Variants in PIRT observed in about 807,000 individuals in gnomAD.
PIRT encodes the protein phosphoinositide-interacting protein.
In PIRT, 6 loss-of-function variants were observed where a neutral mutation model predicts 7.9. That is an observed-to-expected ratio of 0.76 (90% CI 0.42 to 1.51). The LOEUF (loss-of-function observed/expected upper bound fraction) is 1.51, where lower values mean the gene tolerates loss of function less well. Among genes scored for constraint, PIRT ranks in the 40% most tolerant of loss-of-function variants. The pLI is 0.01. For synonymous variants in PIRT, 78 were observed against 71.8 expected, an observed-to-expected ratio of 1.09 and a Z score of -0.44; for missense variants, 170 against 172.9, an observed-to-expected ratio of 0.98 and a Z score of 0.09.
chr17:10,827,043 C>T (rs1028271157), intron 1 of PIRT, among the ~76,000 whole-genome samples: 1 of 152,106 alleles, frequency 6.6e-6, no homozygotes, highest in Admixed American at 6.6e-5. Context: ...AACTCCTGAC[C>T]TCAGGTGATC....
chr17:10,834,139 T>C (rs985914630), intron 1 of PIRT, among the ~76,000 whole-genome samples: 3 of 151,232 alleles, frequency 2.0e-5, no homozygotes, highest in Non-Finnish European at 3.0e-5. Context: ...AAGACTTCTT[T>C]AAGAATAGTC....
intron 1 of PIRT, among the ~76,000 whole-genome samples, chr17:10,827,698 C>T (rs1415632402): frequency 6.6e-6 from 1 of 151,928 alleles, no homozygotes; most frequent in Non-Finnish European, 1.5e-5. Context: ...TGGTCTTGAA[C>T]TCCTGACCTC....
At position 10,825,514 on chromosome 17, in the gene PIRT, G is replaced by T. The variant is rs752717861; in HGVS notation, c.132C>A (p.Thr44=). The change falls in exon 2 of 2, where the codon ACC becomes ACA. Residue 44 remains threonine, a synonymous_variant. Coordinates refer to ENST00000580256, the MANE Select transcript of PIRT (RefSeq NM_001101387.2). The part of the protein sequence containing the change: ...SSRSESVWTT[T]PRSNWEIYRK... ...GGTAGATTTCCCAGTTACTCCTGGG[G>T]GTGGTGGTCCAGACAGACTCGCTCC... 1.2e-6 allele frequency: 2 copies of T among 1,613,474 alleles called. No individual in the cohort carries two copies. The highest frequency in any genetic ancestry group is 1.3e-5 in the African/African-American group (1 of 74,904).
rs1905245383 is a variant in PIRT, at chr17:10,823,345, C to T, written c.*1887G>A. ...AAGGCTATGGCCATCCTGGGTGAGC[C>T]TCAACGGCCATGAGTTCCCCAAACT... On this transcript the variant is annotated 3_prime_UTR_variant, in exon 2 of 2. Transcript: ENST00000580256. 1 of 152,280 alleles carries T rather than the reference C, an allele frequency of 6.6e-6. No individual in the cohort carries two copies. Among genetic ancestry groups the T allele is most frequent in the Admixed American group, 6.5e-5 (1 of 15,286 alleles). The allele number at this position is 152,280 out of a possible 1,614,324, so 9.4% of individuals were successfully genotyped here.
At chr17:10,828,734 G>C (rs190175698) in intron 1 of PIRT, among the ~76,000 whole-genome samples, 1 of 152,190 alleles carries the variant, frequency 6.6e-6, no homozygotes, top group Non-Finnish European at 1.5e-5. Flanking sequence ...CCTCCAACCT[G>C]TTCATTCCAA....
intron 1 of PIRT, among the ~76,000 whole-genome samples, chr17:10,829,906 T>C (rs1905420352): frequency 6.6e-6 from 1 of 152,186 alleles, no homozygotes; most frequent in Non-Finnish European, 1.5e-5. Context: ...TGGAAGAGGA[T>C]CATTGGTTTT....
intron 1 of PIRT, 40 bp from the exon 2 acceptor site, chr17:10,825,823 TAAG>T (rs1331616962): frequency 4.4e-5 from 23 of 526,828 alleles, no homozygotes. Context: ...TTCACATAAA[TAAG>T]AAACCACCCA....
At chr17:10,827,286 G>T (rs1218202783) in intron 1 of PIRT, among the ~76,000 whole-genome samples, 1 of 152,022 alleles carries the variant, frequency 6.6e-6, no homozygotes, top group Non-Finnish European at 1.5e-5. Context: ...CAGCCACTGG[G>T]GCTCCCTCAT....
In PIRT at chr17:10,825,222, G is replaced by T; in HGVS notation, c.*10C>A. Reference sequence around the variant, plus strand: ...CCAGTCAAGGTGGCAGGGAGATGCGGAAACCACCATCAGCGAGTCAGGAAG... The same window carrying T: ...CCAGTCAAGGTGGCAGGGAGATGCGTAAACCACCATCAGCGAGTCAGGAAG... On this transcript the variant is annotated 3_prime_UTR_variant, in exon 2 of 2. Transcript: ENST00000580256. The T allele has an allele frequency of 6.2e-7, 1 of 1,612,034 alleles. No homozygotes were observed. The highest frequency in any genetic ancestry group is 8.5e-7 in the Non-Finnish European group (1 of 1,178,424).
rs546105685 is a variant in PIRT at position 10,827,465 on chromosome 17, C to CTTTTTTTTTTTTTTTTTTTTT, written c.-138-1703_-138-1683dup. Among the ~76,000 whole-genome samples the CTTTTTTTTTTTTTTTTTTTTT allele has an allele frequency of 2.5e-3, 139 of 56,298 alleles. 9 individuals carry two copies. Among genetic ancestry groups the CTTTTTTTTTTTTTTTTTTTTT allele is most frequent in the African/African-American group, 4.2e-3 (56 of 13,334 alleles). 36.9% of individuals were successfully genotyped at this position (56,298 alleles called of 152,430 possible). On this transcript the variant is annotated intron_variant, in intron 1 of 1. Coordinates refer to ENST00000580256, the MANE Select transcript of PIRT (RefSeq NM_001101387.2). ...TCTTTCTTTTCTTTCTTTTTCTTTT[C>CTTTTTTTTTTTTTTTTTTTTT]TTTTTTTTTTTTTTTTTTTTTTTTT...
At chr17:10,826,810 G>A (rs1360072629) in intron 1 of PIRT, among the ~76,000 whole-genome samples, 1 of 152,094 alleles carries the variant, frequency 6.6e-6, no homozygotes, top group African/African-American at 2.4e-5. Context: ...GGTTCACAGT[G>A]CAACCTTCTT....
chr17:10,827,483 T>TTTTTTTTTTTTTTTTTTC (rs1905359485), intron 1 of PIRT, among the ~76,000 whole-genome samples: 1 of 134,594 alleles, frequency 7.4e-6, no homozygotes, highest in African/African-American at 3.0e-5. Context: ...TTTTTTTTTT[T>TTTTTTTTTTTTTTTTTTC]TTTTTTTTGA....
chr17:10,836,048 G>A (rs548626740), intron 1 of PIRT, among the ~76,000 whole-genome samples: 41 of 152,150 alleles, frequency 2.7e-4, no homozygotes, highest in African/African-American at 9.6e-4. Flanking sequence ...GATTACAGGT[G>A]CATGCCACCA....
chr17:10,835,243 C>A (rs982216069), intron 1 of PIRT, among the ~76,000 whole-genome samples: 18 of 152,288 alleles, frequency 1.2e-4, no homozygotes, highest in African/African-American at 4.3e-4. Flanking sequence ...AGGGCAGGTG[C>A]TTTTTATACA....
intron 1 of PIRT, among the ~76,000 whole-genome samples, chr17:10,833,517 G>T (rs1230058363): frequency 8.5e-5 from 13 of 152,122 alleles, no homozygotes; most frequent in Admixed American, 8.5e-4. Context: ...ACTTTGAAAG[G>T]CCGAGGCAGC....
rs1294987467 is a variant in PIRT, at chr17:10,825,580, C to T, written c.66G>A (p.Leu22=). ...VDEKSPEAKD[L]LPSQTASSLC... ...GGGAGCTGGCGGTCTGGCTGGGCAG[C>T]AGGTCCTTGGCTTCTGGAGACTTCT... is the stretch of plus-strand genomic sequence containing the variant. Residue 22 remains leucine, a synonymous_variant, in exon 2 of 2, where the codon CTG becomes CTA. Coordinates refer to ENST00000580256, the MANE Select transcript of PIRT (RefSeq NM_001101387.2). 6.3e-7 allele frequency: 1 copy of T among 1,576,232 alleles called. No individual in the cohort carries two copies. Among genetic ancestry groups the T allele is most frequent in the Non-Finnish European group, 8.6e-7 (1 of 1,160,632 alleles).
At chr17:10,830,543 A>G (rs1168100612) in intron 1 of PIRT, among the ~76,000 whole-genome samples, 1 of 152,124 alleles carries the variant, frequency 6.6e-6, no homozygotes, top group Non-Finnish European at 1.5e-5. Flanking sequence ...ACACTGCTAT[A>G]TTGTCTGACA....
intron 1 of PIRT, among the ~76,000 whole-genome samples, chr17:10,831,674 C>A (rs1905465438): frequency 6.6e-6 from 1 of 152,206 alleles, no homozygotes; most frequent in African/African-American, 2.4e-5. Context: ...TCTGTTGTTT[C>A]AAGTCACCAA....
intron 1 of PIRT, among the ~76,000 whole-genome samples, chr17:10,831,787 A>G (rs1905468838): frequency 6.6e-6 from 1 of 152,204 alleles, no homozygotes; most frequent in South Asian, 2.1e-4. Flanking sequence ...CCCAGAGAGG[A>G]TGGGCCTATG....
Sources: allele counts gnomAD v4.1 joint callset (sites outside exome capture counted in the v4.1 genomes callset), GRCh38; gene constraint gnomAD v4.1.1; transcripts MANE v1.5; gene names NCBI Gene and HGNC (gene_info 2026-07-23, HGNC 2026-07-21).